The following SLC44A2 variants were observed in gnomAD, a reference collection of about 807,000 sequenced individuals.
The protein encoded by SLC44A2 is choline transporter-like protein 2.
A neutral mutation model predicts 90.8 loss-of-function variants in SLC44A2; 57 were observed. That is an observed-to-expected ratio of 0.63 (90% CI 0.51 to 0.78). The LOEUF (loss-of-function observed/expected upper bound fraction) is 0.78. SLC44A2 is among the 30% of genes least tolerant of loss of function. SLC44A2 has a pLI of 0.00. For synonymous variants in SLC44A2, 355 were observed against 360.7 expected (o/e 0.98, Z 0.18); for missense variants, 794 against 919.7 (o/e 0.86, Z 1.77).
At chr19:10,611,035 G>C (rs956199297) in intron 1 of SLC44A2, among the ~76,000 whole-genome samples, 3 of 151,800 alleles carry the variant, frequency 2.0e-5, no homozygotes, top group Non-Finnish European at 4.4e-5. Flanking sequence ...TTTTGAGAGG[G>C]AGTCTTATGA....
Position 10,637,937 on chromosome 19 carries a change from A to G in SLC44A2, c.1769+8A>G. 1 of 1,614,092 alleles carries G rather than the reference A, an allele frequency of 6.2e-7. No homozygotes were observed. Among genetic ancestry groups the G allele is most frequent in the Non-Finnish European group, 8.5e-7 (1 of 1,179,994 alleles). On this transcript the variant is annotated splice_region_variant and intron_variant, in intron 18 of 21. Transcript: ENST00000335757. The stretch of plus-strand genomic sequence containing the variant: ...CATGAGAAACATCATCAGGTCGGGA[A>G]TCATTATCATCTTCCTCCTGCCACC...
At chr19:10,641,119 G>A (rs1460948968) in intron 20 of SLC44A2, 1 of 400,116 alleles carries the variant, frequency 2.5e-6, no homozygotes. Flanking sequence ...TCAGCCAGAC[G>A]CAGGGGCCCA....
intron 1 of SLC44A2, among the ~76,000 whole-genome samples, chr19:10,617,111 G>A (rs1423547034): frequency 6.6e-5 from 10 of 151,684 alleles, no homozygotes; most frequent in African/African-American, 4.8e-5. Flanking sequence ...TAGTAGAGAC[G>A]GGGTTTCATC....
chr19:10,615,182 G>A (rs1260741209), intron 1 of SLC44A2, among the ~76,000 whole-genome samples: 2 of 151,958 alleles, frequency 1.3e-5, no homozygotes, highest in Non-Finnish European at 2.9e-5. Context: ...TGTAATCATA[G>A]CACTTTGGGA....
intron 2 of SLC44A2, 56 bp downstream of exon 2, chr19:10,626,357 C>T: frequency 7.9e-7 from 1 of 1,258,058 alleles, no homozygotes; most frequent in East Asian, 2.3e-5. Context: ...CAATCCCTGT[C>T]TCTTCACACC....
rs760028444 is a variant in SLC44A2, at chr19:10,631,667, G to A, written c.544G>A (p.Val182Ile). Residue 182 changes from valine to isoleucine, a missense_variant, in exon 8 of 22, where the codon GTC (valine) becomes ATC (isoleucine). By Grantham distance (29) the Val-to-Ile change is conservative. This residue lies in a region of SLC44A2 where 738 missense variants were observed against 841.1 expected (regional missense o/e 0.88). Transcript: ENST00000335757. Reference sequence around the variant, plus strand: ...CCCCGCTATCCACGCCTACAAGGGTGTCCTGATGGTGGGCAATGAGACGAC... The same window carrying A: ...CCCCGCTATCCACGCCTACAAGGGTATCCTGATGGTGGGCAATGAGACGAC... ...CFPAIHAYKG[V>I]LMVGNETTYE... The A allele has an allele frequency of 1.9e-6, 3 of 1,613,538 alleles. No homozygotes were observed. The highest frequency in any genetic ancestry group is 1.7e-5 in the Admixed American group (1 of 60,026).
intron 1 of SLC44A2, among the ~76,000 whole-genome samples, chr19:10,618,171 ATTTTTTT>A (rs548727188): frequency 8.9e-6 from 1 of 112,862 alleles, no homozygotes; most frequent in Non-Finnish European, 1.8e-5. Flanking sequence ...TGCCTGGCTA[ATTTTTTT>A]TTTTTTTTTT....
upstream of SLC44A2, among the ~76,000 whole-genome samples, chr19:10,622,659 T>C (rs201089889): frequency 6.6e-6 from 1 of 151,992 alleles, no homozygotes; most frequent in East Asian, 1.9e-4. Flanking sequence ...TACAGCACTT[T>C]GGGAGGCTGA....
At chr19:10,607,088 AT>A (rs1408270969) in intron 1 of SLC44A2, among the ~76,000 whole-genome samples, 2 of 150,644 alleles carry the variant, frequency 1.3e-5, no homozygotes, top group African/African-American at 2.4e-5. Context: ...ATTTTTTTGT[AT>A]TTTTTAGTAG....
chr19:10,629,707 T>G (rs2066973268), intron 4 of SLC44A2, among the ~76,000 whole-genome samples: 1 of 151,912 alleles, frequency 6.6e-6, no homozygotes, highest in African/African-American at 2.4e-5. Flanking sequence ...CCTTCCAAAG[T>G]GCTGGCACAA....
Position 10,631,969 on chromosome 19 carries a change from G to T in SLC44A2, c.710+18G>T, listed in dbSNP as rs1044966328. On this transcript the variant is annotated intron_variant, in intron 9 of 21. Coordinates refer to ENST00000335757, the MANE Select transcript of SLC44A2 (RefSeq NM_020428.4). Reference sequence around the variant, plus strand: ...ATTATCATGTAAGTCAGGAGGGAAGGGGCCTCTCCCCTGGCTGCCCCCTCT... The same window carrying T: ...ATTATCATGTAAGTCAGGAGGGAAGTGGCCTCTCCCCTGGCTGCCCCCTCT... 6.2e-7 allele frequency: 1 copy of T among 1,613,530 alleles called. No individual in the cohort carries two copies. Among genetic ancestry groups the T allele is most frequent in the African/African-American group, 1.3e-5 (1 of 74,920 alleles).
Position 10,637,843 on chromosome 19 carries a change from C to T in SLC44A2, c.1696-13C>T, listed in dbSNP as rs776644825. On this transcript the variant is annotated splice_polypyrimidine_tract_variant and intron_variant, in intron 17 of 21. Transcript: ENST00000335757. ...CCCAGTGGGTCTGATCTCTCCCTCCCACTCTCCTCCAGATTGCCATCTACG... is the reference window on the plus strand; with the variant it reads ...CCCAGTGGGTCTGATCTCTCCCTCCTACTCTCCTCCAGATTGCCATCTACG... 4 of 1,614,144 alleles carry T rather than the reference C, an allele frequency of 2.5e-6. No homozygotes were observed. The highest frequency in any genetic ancestry group is 3.4e-6 in the Non-Finnish European group (4 of 1,180,022).
intron 4 of SLC44A2, among the ~76,000 whole-genome samples, chr19:10,628,721 G>A (rs149567881): frequency 4.1e-4 from 62 of 152,250 alleles, no homozygotes; most frequent in Middle Eastern, 6.8e-3. Flanking sequence ...CCTGGATTAC[G>A]CGTCAGGTGG....
At chr19:10,634,641 A>G (rs983602028) in intron 10 of SLC44A2, 115 bp from the exon 11 acceptor site, 55 of 1,489,042 alleles carry the variant, frequency 3.7e-5, no homozygotes, top group Non-Finnish European at 2.8e-6. Flanking sequence ...CTGCAAGTGT[A>G]AAGTCCCTGA....
intron 1 of SLC44A2, among the ~76,000 whole-genome samples, chr19:10,606,641 T>C (rs1022775135): frequency 6.6e-6 from 1 of 152,000 alleles, no homozygotes; most frequent in Non-Finnish European, 1.5e-5. Context: ...TGAAACCCTG[T>C]CTCTACTAAA....
At chr19:10,634,405 G>A (rs370870602) in intron 10 of SLC44A2, among the ~76,000 whole-genome samples, 58 of 151,286 alleles carry the variant, frequency 3.8e-4, no homozygotes, top group African/African-American at 1.2e-3. Flanking sequence ...TGGAGGTTGC[G>A]GTGAGCCGAG....
intron 20 of SLC44A2, among the ~76,000 whole-genome samples, chr19:10,640,466 A>G (rs34624833): frequency 5.3e-5 from 8 of 152,124 alleles, no homozygotes; most frequent in Non-Finnish European, 1.0e-4. Flanking sequence ...TACTATAATA[A>G]CAATAATAAT....
In SLC44A2 at chr19:10,628,056, T is replaced by C. The variant is rs773817140; in HGVS notation, c.245+52T>C. The stretch of plus-strand genomic sequence containing the variant: ...GGGCTGGGGAAGAGGGGGCAGAAGA[T>C]TCTAGGCATTCCCCATCTCTCTAAG... On this transcript the variant is annotated intron_variant, in intron 4 of 21. Transcript: ENST00000335757. 4 of 1,469,186 alleles carry C rather than the reference T, an allele frequency of 2.7e-6. No homozygotes were observed. In the African/African-American group the frequency reaches 5.6e-5, roughly 21 times the overall value. 91.0% of individuals were successfully genotyped at this position (1,469,186 alleles called of 1,614,324 possible). A position where few individuals can be genotyped will look rare whatever the true frequency, so the allele number is the denominator to read the frequency against.
chr19:10,643,067 G>T, intron 21 of SLC44A2: 1 of 1,477,954 alleles, frequency 6.8e-7, no homozygotes, highest in South Asian at 1.4e-5. Flanking sequence ...ATGTAGACTG[G>T]GGGTGCATGA....
Sources: allele counts gnomAD v4.1 joint callset (sites outside exome capture counted in the v4.1 genomes callset), GRCh38; gene constraint gnomAD v4.1.1; regional missense constraint gnomAD v4.1.1; transcripts MANE v1.5; gene names NCBI Gene and HGNC (gene_info 2026-07-23, HGNC 2026-07-21).